Variants in TTC24 observed in about 807,000 individuals in gnomAD.
TTC24 encodes the protein tetratricopeptide repeat protein 24.
In TTC24, 54 loss-of-function variants were observed where a neutral mutation model predicts 63.3. That is an observed-to-expected ratio of 0.85 (90% confidence interval 0.69 to 1.07). TTC24 has a LOEUF of 1.07. TTC24 is among the 50% of genes least tolerant of loss of function. The pLI, the probability that TTC24 is intolerant of heterozygous loss-of-function variation, is 0.00. For missense variants in TTC24, 680 were observed against 730.5 expected (o/e 0.93, Z 0.80); for synonymous variants, 276 against 304.3 (o/e 0.91, Z 0.97).
rs954119943 is a variant in TTC24, at chr1:156,582,111, C to G, written c.706+41C>G. The stretch of plus-strand genomic sequence containing the variant: ...AGGGAAGGCATGGGATCTGGGGAGA[C>G]ACAGAGCCTGATGATACTCAGAGGG... On this transcript the variant is annotated intron_variant, in intron 2 of 10. Coordinates refer to ENST00000368236, the MANE Select transcript of TTC24 (RefSeq NM_001105669.4). 1.2e-5 allele frequency: 17 copies of G among 1,463,338 alleles called. No individual in the cohort carries two copies. In the South Asian group the frequency reaches 2.0e-4, roughly 17 times the overall value. 90.6% of individuals were successfully genotyped at this position (1,463,338 alleles called of 1,614,324 possible).
Position 156,587,465 on chromosome 1 carries a change from A to C in TTC24, c.*915A>C, listed in dbSNP as rs138526226. On this transcript the variant is annotated 3_prime_UTR_variant, in exon 11 of 11. Coordinates refer to ENST00000368236, the MANE Select transcript of TTC24 (RefSeq NM_001105669.4). ...CTAAGCCCTTGCTTACCCAGAGTCC[A>C]TTGTGATTTAATATCAAGTGTGTCT... is the stretch of plus-strand genomic sequence containing the variant. 8.1e-3 allele frequency among the ~76,000 whole-genome samples: 1,238 copies of C among 152,264 alleles called. 15 individuals carry two copies. The highest frequency in any genetic ancestry group is 0.017 in the Middle Eastern group (5 of 294).
intron 3 of TTC24, 149 bp from the exon 4 acceptor site, chr1:156,582,893 G>A (rs1677041257): frequency 1.0e-6 from 1 of 976,172 alleles, no homozygotes. Flanking sequence ...GGCTGGGTGT[G>A]GAGGGTTCAG....
At position 156,581,960 on chromosome 1, in the gene TTC24, C is replaced by T; in HGVS notation, c.596C>T (p.Ala199Val). ...QLRAAALALG[A>V]AAGCMLKSGR... ...CGGGCCGCAGCCCTGGCACTGGGGG[C>T]TGCGGCAGGATGTATGCTGAAGAGT... The change falls in exon 2 of 11, where the codon GCT (alanine) becomes GTT (valine). Residue 199 changes from alanine to valine, a missense_variant. Transcript: ENST00000368236. 6.5e-7 allele frequency: 1 copy of T among 1,531,038 alleles called. No individual in the cohort carries two copies. The allele number at this position is 1,531,038 out of a possible 1,614,324, so 94.8% of individuals were successfully genotyped here.
Position 156,583,090 on chromosome 1 carries a change from C to T in TTC24, c.959C>T (p.Ala320Val), listed in dbSNP as rs758366523. 2 of 1,613,716 alleles carry T rather than the reference C, an allele frequency of 1.2e-6. No homozygotes were observed. The highest frequency in any genetic ancestry group is 1.7e-6 in the Non-Finnish European group (2 of 1,179,814). Residue 320 changes from alanine to valine, a missense_variant, in exon 4 of 11, where the codon GCC (alanine) becomes GTC (valine). Coordinates refer to ENST00000368236, the MANE Select transcript of TTC24 (RefSeq NM_001105669.4). This position sits in a 1 kb window ranked among gnomAD's most constrained non-coding sequence, Gnocchi z 4.0. ...WEQGRSFGSL[A>V]FALSQLGDHK... is the part of the protein sequence containing the mutation. The stretch of plus-strand genomic sequence containing the variant: ...CAGGGCCGGAGCTTTGGCAGCCTGG[C>T]CTTTGCATTGAGCCAGCTGGGGGAC...
intron 1 of TTC24, among the ~76,000 whole-genome samples, chr1:156,580,707 ACCTCGTGATCTGCCCACCTCAG>A (rs1363477310): frequency 6.6e-5 from 10 of 151,882 alleles, no homozygotes; most frequent in Admixed American, 6.6e-4. Flanking sequence ...CTATCTCTTG[ACCTCGTGATCTGCCCACCTCAG>A]CCTCCCAAAA....
rs149282096 is a variant in TTC24 at position 156,587,629 on chromosome 1, A to T, written c.*1079A>T. Among the ~76,000 whole-genome samples, 564 of 152,228 alleles carry T rather than the reference A, an allele frequency of 3.7e-3. 1 individual carries two copies. The highest frequency in any genetic ancestry group is 0.017 in the Middle Eastern group (5 of 294). ...GGTGGGAGGATTGCTTGAGCCCAGG[A>T]GTTTGAGACCACCCTGGGCAACATA... On this transcript the variant is annotated 3_prime_UTR_variant, in exon 11 of 11. Transcript: ENST00000368236.
intron 8 of TTC24, 76 bp downstream of exon 8, chr1:156,585,307 C>A: frequency 8.1e-7 from 1 of 1,228,206 alleles, no homozygotes; most frequent in Non-Finnish European, 1.1e-6. Context: ...ACCCGCCTGC[C>A]TCCGCTTCTT....
At chr1:156,585,329 ACCATCCCG>A in intron 8 of TTC24, 98 bp downstream of exon 8, 1 of 891,946 alleles carries the variant, frequency 1.1e-6, no homozygotes, top group Non-Finnish European at 1.6e-6. Flanking sequence ...TGCCCATCCC[ACCATCCCG>A]CCTTCCTGTT....
At position 156,587,485 on chromosome 1, in the gene TTC24, G is replaced by A. The variant is rs1677207372; in HGVS notation, c.*935G>A. Among the ~76,000 whole-genome samples, 1 of 152,154 alleles carries A rather than the reference G, an allele frequency of 6.6e-6. No homozygotes were observed. The highest frequency in any genetic ancestry group is 1.5e-5 in the Non-Finnish European group (1 of 68,032). Reference sequence around the variant, plus strand: ...AGTCCATTGTGATTTAATATCAAGTGTGTCTATGCCCGTTGTATGTGTTAT... The same window carrying A: ...AGTCCATTGTGATTTAATATCAAGTATGTCTATGCCCGTTGTATGTGTTAT... On this transcript the variant is annotated 3_prime_UTR_variant, in exon 11 of 11. Coordinates refer to ENST00000368236, the MANE Select transcript of TTC24 (RefSeq NM_001105669.4).
chr1:156,585,991 C>T lies in TTC24; in HGVS notation c.1613C>T (p.Pro538Leu), dbSNP rs1557959236. ...CATCTTCCATTTGTAGGTCCAGGCCCTCCCAGAGCGGAGTACCCTAGCATC... is the reference window on the plus strand; with the variant it reads ...CATCTTCCATTTGTAGGTCCAGGCCTTCCCAGAGCGGAGTACCCTAGCATC... ...RAHLPFVGPG[P>L]PRAEYPSILV... Residue 538 changes from proline to leucine, a missense_variant, in exon 10 of 11, where the codon CCT (proline) becomes CTT (leucine). Transcript: ENST00000368236. The T allele has an allele frequency of 6.3e-7, 1 of 1,592,776 alleles. No homozygotes were observed. Among genetic ancestry groups the T allele is most frequent in the Non-Finnish European group, 8.6e-7 (1 of 1,169,152 alleles).
rs1349598327 is a variant in TTC24 at position 156,586,724 on chromosome 1, T to C, written c.*174T>C. On this transcript the variant is annotated 3_prime_UTR_variant, in exon 11 of 11. Coordinates refer to ENST00000368236, the MANE Select transcript of TTC24 (RefSeq NM_001105669.4). ...GCCAAGGGCTTTGCAGGCTCGGCCCTGAGAGGTTCTGTTTGTTCCTCCTTG... is the reference window on the plus strand; with the variant it reads ...GCCAAGGGCTTTGCAGGCTCGGCCCCGAGAGGTTCTGTTTGTTCCTCCTTG... 3 of 500,324 alleles carry C rather than the reference T, an allele frequency of 6.0e-6. No individual in the cohort carries two copies. The highest frequency in any genetic ancestry group is 2.9e-4 in the Middle Eastern group (1 of 3,476). The allele number at this position is 500,324 out of a possible 1,614,324, so 31.0% of individuals were successfully genotyped here.
intron 8 of TTC24, 57 bp from the exon 9 acceptor site, chr1:156,585,656 G>T: frequency 8.1e-7 from 1 of 1,232,392 alleles, no homozygotes; most frequent in South Asian, 1.2e-5. Context: ...AACTCAGGGA[G>T]CAGAGTTCTT....
rs1003953753 is a variant in TTC24 at position 156,587,439 on chromosome 1, G to A, written c.*889G>A. 6.6e-6 allele frequency among the ~76,000 whole-genome samples: 1 copy of A among 152,218 alleles called. No individual in the cohort carries two copies. Among genetic ancestry groups the A allele is most frequent in the Non-Finnish European group, 1.5e-5 (1 of 68,038 alleles). ...AATGCTGTGCAGTTCCACTTCCCCA[G>A]CTAAGCCCTTGCTTACCCAGAGTCC... On this transcript the variant is annotated 3_prime_UTR_variant, in exon 11 of 11. Coordinates refer to ENST00000368236, the MANE Select transcript of TTC24 (RefSeq NM_001105669.4).
At chr1:156,584,815 C>T in intron 6 of TTC24, 62 bp from the exon 7 acceptor site, 1 of 1,161,220 alleles carries the variant, frequency 8.6e-7, no homozygotes, top group Non-Finnish European at 1.2e-6. Context: ...GGAGGGAGCA[C>T]ACACGTAGCT....
rs749271836 is a variant in TTC24 at position 156,585,202 on chromosome 1, C to T, written c.1427C>T (p.Pro476Leu). The T allele has an allele frequency of 1.4e-5, 23 of 1,613,088 alleles. No homozygotes were observed. Among genetic ancestry groups the T allele is most frequent in the South Asian group, 2.2e-5 (2 of 90,972 alleles). Residue 476 changes from proline (P) to leucine (L), a missense_variant, in exon 8 of 11, where the codon CCG (proline) becomes CTG (leucine). By Grantham distance (98) the Pro-to-Leu change is moderately conservative. Coordinates refer to ENST00000368236, the MANE Select transcript of TTC24 (RefSeq NM_001105669.4). Reference sequence around the variant, plus strand: ...AAAGAGGAGAGGTCGGCAAACGTTCCGGTGAGGGCTGGGCCGGGAAGACCA... The same window carrying T: ...AAAGAGGAGAGGTCGGCAAACGTTCTGGTGAGGGCTGGGCCGGGAAGACCA... Reference protein sequence around the residue: ...KKKEERSANVPVRAGPGRPEL... With the variant: ...KKKEERSANVLVRAGPGRPEL...
rs2102468661 is a variant in TTC24, at chr1:156,581,644, G to T, written c.280G>T (p.Asp94Tyr). ...NLGAAYVETG[D>Y]PARGLELLLR... is the part of the protein sequence containing the mutation. ...GGGGGCTGCCTATGTGGAGACTGGG[G>T]ACCCAGCCAGAGGCCTTGAGCTACT... Residue 94 changes from aspartate to tyrosine, a missense_variant, in exon 2 of 11, where the codon GAC becomes TAC. Transcript: ENST00000368236. 6.4e-7 allele frequency: 1 copy of T among 1,551,712 alleles called. No individual in the cohort carries two copies. The highest frequency in any genetic ancestry group is 8.7e-7 in the Non-Finnish European group (1 of 1,147,006).
chr1:156,582,310 C>A lies in TTC24; in HGVS notation c.786C>A (p.Ala262=). ...TGGCCGTGGAGGCCTTCCTGCAGGC[C>A]CTGCCCCTGTGCTGGGTGCCAGGAG... The part of the protein sequence containing the change: ...FPLAVEAFLQ[A]LPLCWVPGEQ... The change falls in exon 3 of 11, where the codon GCC becomes GCA. Residue 262 remains alanine, a synonymous_variant. Transcript: ENST00000368236. 1 of 1,590,758 alleles carries A rather than the reference C, an allele frequency of 6.3e-7. No homozygotes were observed. Among genetic ancestry groups the A allele is most frequent in the Non-Finnish European group, 8.6e-7 (1 of 1,169,242 alleles).
At chr1:156,580,972 A>G (rs1419599506) in intron 1 of TTC24, among the ~76,000 whole-genome samples, 1 of 152,184 alleles carries the variant, frequency 6.6e-6, no homozygotes, top group African/African-American at 2.4e-5. Flanking sequence ...TGTGTGCCAG[A>G]CCCTGCAAGT....
Position 156,581,479 on chromosome 1 carries a change from CTCACCAGGGCTGG to C in TTC24, c.116_128del (p.Leu39ProfsTer14), listed in dbSNP as rs1676990555. On this transcript the variant is annotated frameshift_variant, in exon 2 of 11. Coordinates refer to ENST00000368236, the MANE Select transcript of TTC24 (RefSeq NM_001105669.4). LOFTEE classifies it high-confidence loss of function. ...GCGGCAAGAAGCCAGCATCCAAGCC[CTCACCAGGGCTGG>C]CCATGGGGCCCTTCAGGCTGGCCAG... 1 of 1,551,216 alleles carries C rather than the reference CTCACCAGGGCTGG, an allele frequency of 6.4e-7. No homozygotes were observed. The highest frequency in any genetic ancestry group is 8.7e-7 in the Non-Finnish European group (1 of 1,146,772).
Sources: allele counts gnomAD v4.1 joint callset (sites outside exome capture counted in the v4.1 genomes callset), GRCh38; gene constraint gnomAD v4.1.1; non-coding constraint Gnocchi (gnomAD v3.1); transcripts MANE v1.5; gene names NCBI Gene and HGNC (gene_info 2026-07-23, HGNC 2026-07-21).